Variants in CORO1C observed in about 807,000 individuals in gnomAD.
CORO1C encodes coronin-1C.
A neutral mutation model predicts 51.2 loss-of-function variants in CORO1C; 14 were observed. The ratio of observed to expected loss-of-function variants is 0.27; its 90% confidence interval spans 0.18 to 0.43. The LOEUF (loss-of-function observed/expected upper bound fraction) is 0.43, where lower values mean the gene tolerates loss of function less well. CORO1C is among the 20% of genes least tolerant of loss of function. The pLI is 1.00. For synonymous variants in CORO1C, 181 were observed against 210.5 expected, an observed-to-expected ratio of 0.86 and a Z score of 1.21; for missense variants, 417 against 607.8, an observed-to-expected ratio of 0.69 and a Z score of 3.30.
intron 3 of CORO1C, 92 bp from the exon 4 acceptor site, chr12:108,662,250 A>C: frequency 9.1e-7 from 1 of 1,099,164 alleles, no homozygotes; most frequent in Non-Finnish European, 1.4e-6. Flanking sequence ...GATTTGCTCT[A>C]TGTAAACAGA....
intron 2 of CORO1C, among the ~76,000 whole-genome samples, chr12:108,693,448 G>A (rs1389997277): frequency 6.6e-6 from 1 of 152,192 alleles, no homozygotes; most frequent in African/African-American, 2.4e-5. Flanking sequence ...TGTTGATCTA[G>A]TTAAAACAAT....
chr12:108,696,054 A>C (rs2034669237), intron 2 of CORO1C, among the ~76,000 whole-genome samples: 1 of 152,162 alleles, frequency 6.6e-6, no homozygotes, highest in Non-Finnish European at 1.5e-5. Context: ...AGTACCACAC[A>C]GCTACAACAA....
intron 3 of CORO1C, among the ~76,000 whole-genome samples, chr12:108,664,427 G>A (rs930347683): frequency 6.6e-6 from 1 of 152,198 alleles, no homozygotes; most frequent in African/African-American, 2.4e-5. Flanking sequence ...ATTCTGAAGA[G>A]TGGGAAAAAG....
chr12:108,701,015 A>G (rs1161656935), intron 2 of CORO1C, 109 bp downstream of exon 2: 1 of 1,141,168 alleles, frequency 8.8e-7, no homozygotes, highest in East Asian at 2.3e-5. Context: ...ATTACATCAG[A>G]GTCTAATGGT....
chr12:108,660,109 G>C (rs1326983194), intron 4 of CORO1C, among the ~76,000 whole-genome samples: 1 of 152,162 alleles, frequency 6.6e-6, no homozygotes, highest in Non-Finnish European at 1.5e-5. Flanking sequence ...AAATCATTTA[G>C]AAAAAATAGT....
intron 2 of CORO1C, among the ~76,000 whole-genome samples, chr12:108,682,960 G>A (rs2034173474): frequency 6.6e-6 from 1 of 152,100 alleles, no homozygotes; most frequent in Admixed American, 6.5e-5. Context: ...AGTTAAAACT[G>A]AGCAATACAC....
intron 1 of CORO1C, chr12:108,730,468 C>A (rs949697478): frequency 6.6e-6 from 1 of 152,416 alleles, no homozygotes; most frequent in Non-Finnish European, 1.5e-5. Context: ...GGGGAGCGTG[C>A]GCCGGTGGGG....
chr12:108,646,679 G>A lies in CORO1C; in HGVS notation c.*724C>T, dbSNP rs577679301. 4.6e-5 allele frequency: 7 copies of A among 152,272 alleles called. No homozygotes were observed. In the South Asian group the frequency reaches 8.3e-4, roughly 18 times the overall value. The allele number at this position is 152,272 out of a possible 1,614,324, so 9.4% of individuals were successfully genotyped here. On this transcript the variant is annotated 3_prime_UTR_variant, in exon 11 of 11. Coordinates refer to ENST00000261401, the MANE Select transcript of CORO1C (RefSeq NM_014325.4). ...GAGAAAGGAAAAGAAGAAATACGAC[G>A]TGAGCTTTTTTGATCAGAAGACTCC...
chr12:108,658,867 T>A lies in CORO1C; in HGVS notation c.501A>T (p.Ile167=). 1.2e-6 allele frequency: 2 copies of A among 1,613,838 alleles called. No individual in the cohort carries two copies. The highest frequency in any genetic ancestry group is 1.7e-6 in the Non-Finnish European group (2 of 1,179,706). ...TGTCTGAATGCATATCGTCCAAGTT[T>A]ATAAGGGCTTCCCCTGTTCCCACAT... The part of the protein sequence containing the change: ...IWNVGTGEAL[I]NLDDMHSDMI... Residue 167 remains isoleucine, a synonymous_variant, in exon 5 of 11, where the codon ATA becomes ATT. Transcript: ENST00000261401. This position sits in a 1 kb window ranked among gnomAD's most constrained non-coding sequence, Gnocchi z 4.9.
intron 8 of CORO1C, 37 bp from the exon 9 acceptor site, chr12:108,649,057 G>T: frequency 6.2e-7 from 1 of 1,604,296 alleles, no homozygotes. Context: ...TGCATTAAGT[G>T]AAATATGAGG....
chr12:108,664,398 T>C (rs1361793160), intron 3 of CORO1C, among the ~76,000 whole-genome samples: 1 of 152,126 alleles, frequency 6.6e-6, no homozygotes, highest in East Asian at 1.9e-4. Context: ...CTGCAAAAAA[T>C]GAGAACAAAA....
chr12:108,730,981 T>C (rs1592963415), intron 1 of CORO1C: 1 of 150,520 alleles, frequency 6.6e-6, no homozygotes, highest in Middle Eastern at 3.4e-3. Context: ...CCAAACCCAG[T>C]CCCCAGGCCT....
chr12:108,706,911 T>C (rs2035047427), intron 1 of CORO1C, among the ~76,000 whole-genome samples: 1 of 151,504 alleles, frequency 6.6e-6, no homozygotes, highest in African/African-American at 2.4e-5. Flanking sequence ...TAACAAACAA[T>C]CCAAAAGTGA....
chr12:108,723,589 G>C (rs1005684180), intron 1 of CORO1C, among the ~76,000 whole-genome samples: 1 of 152,194 alleles, frequency 6.6e-6, no homozygotes, highest in Non-Finnish European at 1.5e-5. Flanking sequence ...AGCAGTTGTT[G>C]AGACATGGGG....
Position 108,699,948 on chromosome 12 carries a change from A to G in CORO1C, c.195+1176T>C, listed in dbSNP as rs141558483. ...ACTGAAGTAAAAATCAGATGTTATAATAAAACAAGTTAGTCACCAGCATCT... is the reference window on the plus strand; with the variant it reads ...ACTGAAGTAAAAATCAGATGTTATAGTAAAACAAGTTAGTCACCAGCATCT... On this transcript the variant is annotated intron_variant, in intron 2 of 10. Transcript: ENST00000261401. Among the ~76,000 whole-genome samples, 346 of 152,326 alleles carry G rather than the reference A, an allele frequency of 2.3e-3. 2 individuals are homozygous for G. The highest frequency in any genetic ancestry group is 7.7e-3 in the African/African-American group (322 of 41,566).
At chr12:108,649,070 G>T in intron 8 of CORO1C, 50 bp from the exon 9 acceptor site, 1 of 1,584,880 alleles carries the variant, frequency 6.3e-7, no homozygotes, top group Non-Finnish European at 8.7e-7. Flanking sequence ...ATATGAGGCT[G>T]ACTAACAGGA....
chr12:108,648,879 A>T (rs1425042961), intron 9 of CORO1C, 29 bp from the exon 10 acceptor site: 4 of 1,613,514 alleles, frequency 2.5e-6, no homozygotes, highest in Non-Finnish European at 3.4e-6. Context: ...ACCCGTGGGT[A>T]AGGAAGAAGA....
At chr12:108,679,373 C>T (rs1025199367) in intron 2 of CORO1C, among the ~76,000 whole-genome samples, 9 of 152,102 alleles carry the variant, frequency 5.9e-5, no homozygotes, top group Non-Finnish European at 1.0e-4. Flanking sequence ...TAAATAGCTA[C>T]CACAATTTGC....
At chr12:108,699,742 C>T (rs907085868) in intron 2 of CORO1C, among the ~76,000 whole-genome samples, 4 of 152,058 alleles carry the variant, frequency 2.6e-5, no homozygotes, top group South Asian at 2.1e-4. Flanking sequence ...TGCCACTGAA[C>T]GACAATTTTT....
Sources: gnomAD v4.1 joint callset for allele counts (sites outside exome capture counted in the v4.1 genomes callset) on GRCh38, gnomAD v4.1.1 for gene constraint, Gnocchi (gnomAD v3.1) non-coding constraint, MANE v1.5 for transcripts, NCBI Gene and HGNC (gene_info 2026-07-23, HGNC 2026-07-21) for gene names.